The following GC variants were observed in gnomAD, a reference collection of about 807,000 sequenced individuals.
GC encodes the protein GC vitamin D binding protein.
A neutral mutation model predicts 56.7 loss-of-function variants in GC; 43 were observed. That is an observed-to-expected ratio of 0.76 (90% confidence interval 0.59 to 0.98). The LOEUF (loss-of-function observed/expected upper bound fraction) is 0.98, where lower values mean the gene tolerates loss of function less well. Ranked by LOEUF, GC falls within the 50% of genes least tolerant of loss-of-function variation. GC has a pLI of 0.00. For missense variants in GC, 529 were observed against 545.9 expected (o/e 0.97, Z 0.31); for synonymous variants, 216 against 202.7 (o/e 1.07, Z -0.56).
chr4:71,754,230 T>C (rs1741645289), intron 10 of GC, among the ~76,000 whole-genome samples, 181 bp downstream of exon 10: 1 of 152,070 alleles, frequency 6.6e-6, no homozygotes, highest in South Asian at 2.1e-4. Flanking sequence ...CCTTTTGGGG[T>C]CTCCAGTGTC....
At chr4:71,753,512 G>A (rs1741623213) in intron 10 of GC, among the ~76,000 whole-genome samples, 1 of 151,474 alleles carries the variant, frequency 6.6e-6, no homozygotes, top group Admixed American at 6.6e-5. Flanking sequence ...GTTGGGGGGA[G>A]GAGGGAATAG....
At chr4:71,781,544 T>C (rs1364688702) in intron 1 of GC, among the ~76,000 whole-genome samples, 1 of 151,842 alleles carries the variant, frequency 6.6e-6, no homozygotes, top group East Asian at 1.9e-4. Flanking sequence ...TTCCTGGTCA[T>C]TAAGGTAACT....
chr4:71,751,357 C>G (rs1169505893), intron 11 of GC, among the ~76,000 whole-genome samples: 1 of 152,166 alleles, frequency 6.6e-6, no homozygotes, highest in Non-Finnish European at 1.5e-5. Flanking sequence ...CTCACACCTT[C>G]AGTCTATATA....
intron 11 of GC, 50 bp from the exon 12 acceptor site, chr4:71,746,255 A>C: frequency 1.2e-6 from 1 of 866,336 alleles, no homozygotes; most frequent in South Asian, 1.4e-5. Context: ...TTTCATTTGT[A>C]GGCTACTAGA....
chr4:71,768,348 C>T lies in GC; in HGVS notation c.214G>A (p.Glu72Lys), dbSNP rs372964536. The T allele has an allele frequency of 1.4e-5, 22 of 1,613,196 alleles. No individual in the cohort carries two copies. The highest frequency in any genetic ancestry group is 8.9e-5 in the East Asian group (4 of 44,816). Reference sequence around the variant, plus strand: ...TCAGCCCCTTCCGCACAGCAGGCTTCGGTCAAGGAGACAACTTCCTTCACA... The same window carrying T: ...TCAGCCCCTTCCGCACAGCAGGCTTTGGTCAAGGAGACAACTTCCTTCACA... ...QLVKEVVSLT[E>K]ACCAEGADPD... The change falls in exon 3 of 13, where the codon GAA becomes AAA. Residue 72 changes from glutamate to lysine, a missense_variant. Transcript: ENST00000273951.
At chr4:71,768,477 T>G (rs1477849436) in intron 2 of GC, 44 bp from the exon 3 acceptor site, 2 of 1,541,066 alleles carry the variant, frequency 1.3e-6, no homozygotes, top group Admixed American at 3.7e-5. Flanking sequence ...ACTGAAAGGT[T>G]TTTTTTTTTG....
intron 1 of GC, among the ~76,000 whole-genome samples, chr4:71,797,815 T>A (rs1208814351): frequency 6.6e-6 from 1 of 152,260 alleles, no homozygotes; most frequent in Non-Finnish European, 1.5e-5. Flanking sequence ...GAAGATCATA[T>A]GATTCTCTTT....
chr4:71,741,701 T>A lies in GC; in HGVS notation c.*195A>T. 1 of 653,348 alleles carries A rather than the reference T, an allele frequency of 1.5e-6. No homozygotes were observed. The highest frequency in any genetic ancestry group is 2.8e-6 in the Non-Finnish European group (1 of 363,454). The allele number at this position is 653,348 out of a possible 1,614,324, so 40.5% of individuals were successfully genotyped here. On this transcript the variant is annotated 3_prime_UTR_variant, in exon 13 of 13. Transcript: ENST00000273951. ...CATAATTCTCAGTCATATTTATGGT[T>A]TGCATTATATTTCAATTTATTTTGA...
chr4:71,784,401 GTGT>G (rs1742780511), upstream of GC: 1 of 851,982 alleles, frequency 1.2e-6, no homozygotes, highest in South Asian at 5.4e-5. Flanking sequence ...ATAGGGCTGT[GTGT>G]CTTCTTTGGA....
intron 1 of GC, among the ~76,000 whole-genome samples, chr4:71,773,189 T>C (rs1742395160): frequency 6.6e-6 from 1 of 152,072 alleles, no homozygotes; most frequent in South Asian, 2.1e-4. Context: ...TGGCATAATC[T>C]TAGTGACTCT....
intron 1 of GC, among the ~76,000 whole-genome samples, chr4:71,783,603 G>T (rs1296305705): frequency 1.3e-5 from 2 of 151,772 alleles, no homozygotes; most frequent in African/African-American, 4.8e-5. Flanking sequence ...CTGAATAAAT[G>T]CTTAATGGTG....
intron 9 of GC, 58 bp downstream of exon 9, chr4:71,754,920 A>G (rs1286787070): frequency 7.9e-7 from 1 of 1,266,744 alleles, no homozygotes; most frequent in Non-Finnish European, 1.1e-6. Flanking sequence ...TGGCCCATGA[A>G]CTATAATTTT....
chr4:71,767,687 A>G (rs1742200032), intron 3 of GC, among the ~76,000 whole-genome samples: 1 of 150,330 alleles, frequency 6.7e-6, no homozygotes. Context: ...GTTTTGGGGG[A>G]ACAAAACTAT....
intron 1 of GC, among the ~76,000 whole-genome samples, chr4:71,800,325 T>A (rs923615355): frequency 5.3e-5 from 8 of 152,122 alleles, no homozygotes; most frequent in Non-Finnish European, 1.2e-4. Context: ...AGTGAGAACA[T>A]GCAGTGTTTG....
At chr4:71,746,086 T>G in intron 12 of GC, 65 bp downstream of exon 12, 1 of 728,444 alleles carries the variant, frequency 1.4e-6, no homozygotes, top group Admixed American at 2.2e-5. Context: ...TTCCCATTCT[T>G]TGATATTTAA....
intron 1 of GC, among the ~76,000 whole-genome samples, chr4:71,802,022 A>C (rs1320669897): frequency 6.6e-6 from 1 of 152,112 alleles, no homozygotes; most frequent in Non-Finnish European, 1.5e-5. Context: ...GAAGTGAACA[A>C]AATATTGAAT....
chr4:71,746,177 T>G lies in GC; in HGVS notation c.1424A>C (p.Ter475SerextTer2). ...AAAGTTAATAAACATGCTTCAGGACTACAGGATATTCTTCAATTCAGCATC... is the reference window on the plus strand; with the variant it reads ...AAAGTTAATAAACATGCTTCAGGACGACAGGATATTCTTCAATTCAGCATC... Reference protein sequence around the residue: ...EIDAELKNIL* With the variant: ...EIDAELKNILS Residue 475 changes from the stop codon to serine, a stop_lost, in exon 12 of 13, where the codon TAG (stop) becomes TCG (serine). Coordinates refer to ENST00000273951, the MANE Select transcript of GC (RefSeq NM_000583.4). 1 of 1,318,592 alleles carries G rather than the reference T, an allele frequency of 7.6e-7. No homozygotes were observed. The highest frequency in any genetic ancestry group is 1.1e-6 in the Non-Finnish European group (1 of 915,264). 81.7% of individuals were successfully genotyped at this position (1,318,592 alleles called of 1,614,324 possible).
intron 2 of GC, among the ~76,000 whole-genome samples, 178 bp from the exon 3 acceptor site, chr4:71,768,611 G>A (rs1295291095): frequency 6.6e-6 from 1 of 152,180 alleles, no homozygotes; most frequent in Admixed American, 6.5e-5. Context: ...GACTACAGGT[G>A]TGCACCAATA....
At chr4:71,745,820 T>C in intron 12 of GC, among the ~76,000 whole-genome samples, 1 of 152,182 alleles carries the variant, frequency 6.6e-6, no homozygotes, top group African/African-American at 2.4e-5. Context: ...ATGAGCCCTG[T>C]CTTTAAACTC....
Sources: allele counts gnomAD v4.1 joint callset (sites outside exome capture counted in the v4.1 genomes callset), GRCh38; gene constraint gnomAD v4.1.1; transcripts MANE v1.5; gene names NCBI Gene and HGNC (gene_info 2026-07-23, HGNC 2026-07-21).